The following MOB1A variants were observed in gnomAD, a reference collection of about 807,000 sequenced individuals.
The protein encoded by MOB1A is MOB kinase activator 1A.
In MOB1A, 10 loss-of-function variants were observed where a neutral mutation model predicts 25.1. That is an observed-to-expected ratio of 0.40 (90% CI 0.25 to 0.68). The LOEUF (loss-of-function observed/expected upper bound fraction) is 0.68, where lower values mean the gene tolerates loss of function less well. Among genes scored for constraint, MOB1A ranks in the 30% least tolerant of loss-of-function variants. The pLI is 0.40. For synonymous variants in MOB1A, 81 were observed against 79.5 expected (o/e 1.02, Z -0.10); for missense variants, 177 against 256.3 (o/e 0.69, Z 2.11).
intron 4 of MOB1A, chr2:74,164,826 C>G (rs1572958954): frequency 6.6e-6 from 1 of 152,604 alleles, no homozygotes; most frequent in East Asian, 1.9e-4. Flanking sequence ...ATCTCATCAA[C>G]ATTTTTTAAA....
chr2:74,171,294 TAAAATAAAAAA>T (rs1041511351), intron 2 of MOB1A, among the ~76,000 whole-genome samples: 25 of 144,082 alleles, frequency 1.7e-4, no homozygotes, highest in Non-Finnish European at 3.3e-4. Context: ...TCTCAAAAAA[TAAAATAAAAAA>T]AAAATAAAAA....
chr2:74,172,551 T>C, intron 2 of MOB1A, 35 bp downstream of exon 2: 1 of 1,585,260 alleles, frequency 6.3e-7, no homozygotes, highest in Non-Finnish European at 8.6e-7. Context: ...GCAAAACCTT[T>C]CTAGAAAACA....
intron 2 of MOB1A, 140 bp from the exon 3 acceptor site, chr2:74,167,247 T>C (rs1239314903): frequency 3.2e-6 from 2 of 630,868 alleles, no homozygotes; most frequent in Non-Finnish European, 5.7e-6. Context: ...TACTGTAACT[T>C]GTAGTATACT....
Position 74,153,253 on chromosome 2 carries a change from G to A in MOB1A, c.*3315C>T, listed in dbSNP as rs890635864. The A allele has an allele frequency of 7.2e-5, 11 of 152,058 alleles. No individual in the cohort carries two copies. Among genetic ancestry groups the A allele is most frequent in the Non-Finnish European group, 1.3e-4 (9 of 68,016 alleles). The allele number at this position is 152,058 out of a possible 1,614,324, so 9.4% of individuals were successfully genotyped here. A position where few individuals can be genotyped will look rare whatever the true frequency, so the allele number is the denominator to read the frequency against. On this transcript the variant is annotated 3_prime_UTR_variant, in exon 6 of 6. Transcript: ENST00000396049. ...AAATTTCTAGGACTTACGCTCTTTG[G>A]GCCTGATTTGTTAATGCTTATGAGG...
Position 74,156,597 on chromosome 2 carries a change from T to C in MOB1A, c.622A>G (p.Ile208Val). Residue 208 changes from isoleucine (I) to valine (V), a missense_variant, in exon 6 of 6, where the codon ATA becomes GTA. Ile to Val is a conservative substitution (Grantham distance 29). Transcript: ENST00000396049. Reference sequence around the variant, plus strand: ...CTGTCTTTTGATCCAAGTTTCTCTATTAATTCTTGAAGAGGTGCCAGCTCA... The same window carrying C: ...CTGTCTTTTGATCCAAGTTTCTCTACTAATTCTTGAAGAGGTGCCAGCTCA... ...RRELAPLQEL[I>V]EKLGSKDR 1 of 1,555,382 alleles carries C rather than the reference T, an allele frequency of 6.4e-7. No homozygotes were observed. The highest frequency in any genetic ancestry group is 2.4e-5 in the East Asian group (1 of 41,728).
At chr2:74,174,130 G>A (rs1371389888) in intron 1 of MOB1A, among the ~76,000 whole-genome samples, 1 of 150,954 alleles carries the variant, frequency 6.6e-6, no homozygotes, top group Non-Finnish European at 1.5e-5. Flanking sequence ...AATTAGCTGG[G>A]CGTGGTGGCA....
At chr2:74,163,928 T>A (rs1693052943) in intron 4 of MOB1A, 1 of 152,112 alleles carries the variant, frequency 6.6e-6, no homozygotes, top group Non-Finnish European at 1.5e-5. Context: ...CTTGACAAAA[T>A]GTTTCTAAGT....
At chr2:74,158,391 T>C (rs552450730) in intron 5 of MOB1A, among the ~76,000 whole-genome samples, 1 of 152,304 alleles carries the variant, frequency 6.6e-6, no homozygotes, top group South Asian at 2.1e-4. Context: ...CAGACATGTA[T>C]ATGTAATTCA....
At chr2:74,174,265 G>A (rs1348716168) in intron 1 of MOB1A, among the ~76,000 whole-genome samples, 13 of 121,454 alleles carry the variant, frequency 1.1e-4, no homozygotes, top group South Asian at 7.4e-4. Flanking sequence ...GTGAGACTCC[G>A]TCTCAAAAAA....
intron 2 of MOB1A, among the ~76,000 whole-genome samples, chr2:74,169,275 G>A (rs1012996557): frequency 1.3e-5 from 2 of 152,192 alleles, no homozygotes; most frequent in Non-Finnish European, 2.9e-5. Context: ...GATGAGGCAG[G>A]CGGATCACTT....
chr2:74,172,373 A>G (rs773863939), intron 2 of MOB1A, among the ~76,000 whole-genome samples: 3 of 152,158 alleles, frequency 2.0e-5, no homozygotes, highest in Non-Finnish European at 4.4e-5. Context: ...AAAAGCACTC[A>G]TCATTTCTCC....
At chr2:74,169,478 G>A (rs576025132) in intron 2 of MOB1A, among the ~76,000 whole-genome samples, 1 of 152,176 alleles carries the variant, frequency 6.6e-6, no homozygotes, top group South Asian at 2.1e-4. Context: ...CAGCCTGGGC[G>A]ACAGGGCGAT....
intron 2 of MOB1A, among the ~76,000 whole-genome samples, chr2:74,168,541 G>A (rs72917184): frequency 0.013 from 1,982 of 152,262 alleles, 34 homozygotes; most frequent in African/African-American, 0.046. Context: ...TACTCAGGAC[G>A]CTGAAGTGGA....
intron 1 of MOB1A, among the ~76,000 whole-genome samples, chr2:74,173,460 A>C (rs1693357243): frequency 7.1e-6 from 1 of 140,976 alleles, no homozygotes; most frequent in Admixed American, 7.7e-5. Context: ...GGCTCACTGC[A>C]ATCTCCACCT....
chr2:74,175,587 A>G (rs1276251087), intron 1 of MOB1A, among the ~76,000 whole-genome samples: 1 of 152,192 alleles, frequency 6.6e-6, no homozygotes, highest in Admixed American at 6.5e-5. Context: ...CTACTTCTAA[A>G]TATCTCCTCT....
intron 5 of MOB1A, among the ~76,000 whole-genome samples, chr2:74,158,204 A>G (rs1359522935): frequency 6.8e-6 from 1 of 147,978 alleles, no homozygotes; most frequent in Non-Finnish European, 1.5e-5. Context: ...AGAGGGGGGA[A>G]AAAAAAAAAA....
chr2:74,166,924 A>C, intron 3 of MOB1A, 90 bp downstream of exon 3: 1 of 930,564 alleles, frequency 1.1e-6, no homozygotes, highest in Non-Finnish European at 1.7e-6. Flanking sequence ...CTTCACACAA[A>C]CGGATAACAA....
chr2:74,166,101 T>G (rs1253790505), intron 3 of MOB1A, among the ~76,000 whole-genome samples: 6 of 151,574 alleles, frequency 4.0e-5, no homozygotes, highest in African/African-American at 1.5e-4. Context: ...ATCAGTCATT[T>G]ATTATAAGAA....
At chr2:74,177,622 A>C (rs2103756640) in intron 1 of MOB1A, among the ~76,000 whole-genome samples, 1 of 152,316 alleles carries the variant, frequency 6.6e-6, no homozygotes, top group East Asian at 1.9e-4. Flanking sequence ...TACTGGAAGG[A>C]ATCCCAGTTT....
Sources: allele counts gnomAD v4.1 joint callset (sites outside exome capture counted in the v4.1 genomes callset), GRCh38; gene constraint gnomAD v4.1.1; transcripts MANE v1.5; gene names NCBI Gene and HGNC (gene_info 2026-07-23, HGNC 2026-07-21).